The following CLIC5 variants were observed in gnomAD, a reference collection of about 807,000 sequenced individuals.
CLIC5 encodes CLIC family member 5, also known as chloride intracellular channel protein 5.
A neutral mutation model predicts 24.7 loss-of-function variants in CLIC5; 20 were observed. The ratio of observed to expected loss-of-function variants is 0.81; its 90% confidence interval spans 0.57 to 1.18. The LOEUF (loss-of-function observed/expected upper bound fraction) is 1.18. CLIC5 is among the 50% of genes most tolerant of loss of function. The probability of loss-of-function intolerance (pLI) is 0.00; values close to 1 mark genes in which losing one functional copy is unlikely to be tolerated. For synonymous variants in CLIC5, 159 were observed against 135.6 expected (o/e 1.17, Z -1.20); for missense variants, 341 against 326.1 (o/e 1.05, Z -0.35).
intron 1 of CLIC5, among the ~76,000 whole-genome samples, chr6:46,030,950 T>A (rs1452188280): frequency 6.6e-6 from 1 of 152,240 alleles, no homozygotes; most frequent in East Asian, 1.9e-4. Flanking sequence ...ATTCTCATTT[T>A]AAACATCTGA....
chr6:46,004,533 G>T (rs1048993528), intron 1 of CLIC5, among the ~76,000 whole-genome samples: 13 of 152,180 alleles, frequency 8.5e-5, no homozygotes, highest in Non-Finnish European at 1.9e-4. Context: ...GAGTCCAAGT[G>T]GGGGAGACCA....
At chr6:45,971,063 T>C (rs910478570) in intron 1 of CLIC5, among the ~76,000 whole-genome samples, 1 of 152,356 alleles carries the variant, frequency 6.6e-6, no homozygotes, top group East Asian at 1.9e-4. Context: ...GAAATTGTTC[T>C]TTTTCCTCTA....
chr6:46,059,300 G>C (rs192985015), intron 1 of CLIC5, among the ~76,000 whole-genome samples: 1 of 152,186 alleles, frequency 6.6e-6, no homozygotes, highest in Admixed American at 6.5e-5. Context: ...CATTGCATAC[G>C]GTTGTACACA....
chr6:46,029,681 C>CA lies in CLIC5; in HGVS notation c.540+50021dup, dbSNP rs35345120. On this transcript the variant is annotated intron_variant, in intron 1 of 5. Coordinates refer to the CLIC5 transcript ENST00000185206. ...TTTCTTAGGGGAGCCCATCTTCTTA[C>CA]AAAAAAAAAAGTGTATCCTTGGCTT... Among the ~76,000 whole-genome samples, 284 of 148,000 alleles carry CA rather than the reference C, an allele frequency of 1.9e-3. 1 individual carries two copies. The highest frequency in any genetic ancestry group is 5.9e-3 in the African/African-American group (238 of 40,494).
chr6:45,938,893 G>A lies in CLIC5; in HGVS notation c.406+2654C>T, dbSNP rs1395755694. On this transcript the variant is annotated intron_variant, in intron 4 of 5. Coordinates refer to ENST00000339561, the MANE Select transcript of CLIC5 (RefSeq NM_016929.5). ...GTTCGAGAGCCAGCTCTGCCTTGGG[G>A]GTAGACAAGTCATGGGTCTTCTCGT... Among the ~76,000 whole-genome samples, 3 of 152,130 alleles carry A rather than the reference G, an allele frequency of 2.0e-5. No homozygotes were observed. In the South Asian group the frequency reaches 6.2e-4, roughly 32 times the overall value.
At chr6:45,916,801 G>GTGAC (rs1434636398) in intron 4 of CLIC5, among the ~76,000 whole-genome samples, 1 of 152,216 alleles carries the variant, frequency 6.6e-6, no homozygotes, top group Non-Finnish European at 1.5e-5. Flanking sequence ...TGTTGCAACT[G>GTGAC]TGACATTCCA....
At chr6:46,114,484 C>T in the CLIC5 span, among the ~76,000 whole-genome samples, 3 of 152,194 alleles carry the variant, frequency 2.0e-5, no homozygotes, top group African/African-American at 7.2e-5. Flanking sequence ...TATCTAGCTA[C>T]ATTCTGTCAG....
chr6:45,950,449 A>G (rs1233087980), intron 2 of CLIC5, among the ~76,000 whole-genome samples: 1 of 151,896 alleles, frequency 6.6e-6, no homozygotes, highest in Non-Finnish European at 1.5e-5. Context: ...ATGTGCTTGC[A>G]GTCCCAGCTA....
In CLIC5 at chr6:45,912,611, C is replaced by G. The variant is rs369890123; in HGVS notation, c.588+1617G>C. 2.7e-6 allele frequency: 4 copies of G among 1,476,544 alleles called. No individual in the cohort carries two copies. In the East Asian group the frequency reaches 9.9e-5, roughly 37 times the overall value. The allele number at this position is 1,476,544 out of a possible 1,614,324, so 91.5% of individuals were successfully genotyped here. ...ATTCCAAAAAGATTAAATGATGTGCCTCAGCTCATGCTGCTAGTTGGCAGC... is the reference window on the plus strand; with the variant it reads ...ATTCCAAAAAGATTAAATGATGTGCGTCAGCTCATGCTGCTAGTTGGCAGC... On this transcript the variant is annotated intron_variant, in intron 5 of 5. Transcript: ENST00000339561.
chr6:46,001,601 C>G (rs866273276), intron 1 of CLIC5, among the ~76,000 whole-genome samples: 1 of 152,176 alleles, frequency 6.6e-6, no homozygotes, highest in East Asian at 1.9e-4. Flanking sequence ...TGGCTTCCCC[C>G]ACAAGACCCA....
chr6:46,075,017 C>T (rs953133040), intron 1 of CLIC5, among the ~76,000 whole-genome samples: 4 of 152,176 alleles, frequency 2.6e-5, no homozygotes, highest in Non-Finnish European at 5.9e-5. Context: ...TAAAATAAAA[C>T]GTCATTTCCT....
chr6:46,024,105 G>C (rs1767261358), intron 1 of CLIC5, among the ~76,000 whole-genome samples: 1 of 152,162 alleles, frequency 6.6e-6, no homozygotes, highest in South Asian at 2.1e-4. Flanking sequence ...TGTGAGAGTA[G>C]AATGTAGAAT....
intron 6 of CLIC5, chr6:45,892,307 A>G (rs1762354000): frequency 6.6e-6 from 1 of 152,230 alleles, no homozygotes; most frequent in Non-Finnish European, 1.5e-5. Flanking sequence ...ACTACTTACC[A>G]TATGAGGACT....
chr6:46,080,249 T>C (rs1348035825), exon 1 of CLIC5: 1 of 1,547,914 alleles, frequency 6.5e-7, no homozygotes. Context: ...TCATGCTTAT[T>C]GATCCGAGAG....
At chr6:46,048,005 CTT>C (rs34581798) in intron 1 of CLIC5, among the ~76,000 whole-genome samples, 9 of 139,162 alleles carry the variant, frequency 6.5e-5, no homozygotes, top group African/African-American at 1.1e-4. Context: ...TCCATATCTA[CTT>C]TTTTTTTTTT....
At chr6:46,100,730 A>G in the CLIC5 span, among the ~76,000 whole-genome samples, 1 of 152,244 alleles carries the variant, frequency 6.6e-6, no homozygotes, top group Non-Finnish European at 1.5e-5. Flanking sequence ...TATAGGGGCC[A>G]AGGGAAAACT....
intron 1 of CLIC5, among the ~76,000 whole-genome samples, chr6:45,980,653 ATGT>A (rs1474860166): frequency 1.3e-5 from 2 of 152,176 alleles, no homozygotes; most frequent in African/African-American, 4.8e-5. Flanking sequence ...TAGTGATAAA[ATGT>A]TGTGAATAGA....
At chr6:46,112,580 T>C in the CLIC5 span, among the ~76,000 whole-genome samples, 1 of 152,214 alleles carries the variant, frequency 6.6e-6, no homozygotes, top group Non-Finnish European at 1.5e-5. Context: ...CCAATTAATC[T>C]GACTTTTGTG....
chr6:45,891,835 GT>G (rs1353279456), intron 6 of CLIC5, among the ~76,000 whole-genome samples: 1 of 151,964 alleles, frequency 6.6e-6, no homozygotes, highest in African/African-American at 2.4e-5. Flanking sequence ...CTGTGTATGT[GT>G]TTTCCTTTTT....
Sources: gnomAD v4.1 joint callset for allele counts (sites outside exome capture counted in the v4.1 genomes callset) on GRCh38, gnomAD v4.1.1 for gene constraint, MANE v1.5 for transcripts, NCBI Gene and HGNC (gene_info 2026-07-23, HGNC 2026-07-21) for gene names.